The following GIGYF2 variants were observed in gnomAD, a reference collection of about 807,000 sequenced individuals.
GIGYF2 encodes GRB10-interacting GYF protein 2.
A neutral mutation model predicts 208.1 loss-of-function variants in GIGYF2; 25 were observed. The observed-to-expected ratio is 0.12, with a 90% confidence interval of 0.09 to 0.17. GIGYF2 has a LOEUF of 0.17. Ranked by LOEUF, GIGYF2 falls within the 10% of genes least tolerant of loss-of-function variation. The probability of loss-of-function intolerance (pLI) is 1.00; values close to 1 mark genes in which losing one functional copy is unlikely to be tolerated. For missense variants in GIGYF2, 1,302 were observed against 1,579.4 expected, an observed-to-expected ratio of 0.82 and a Z score of 2.98; for synonymous variants, 534 against 543.8, an observed-to-expected ratio of 0.98 and a Z score of 0.25.
chr2:232,856,160 C>T (rs990710314), intron 28 of GIGYF2, among the ~76,000 whole-genome samples: 1 of 151,978 alleles, frequency 6.6e-6, no homozygotes, highest in South Asian at 2.1e-4. Flanking sequence ...GTCTCGATAT[C>T]CTGACCTCAT....
chr2:232,813,608 G>A (rs900926913), intron 18 of GIGYF2, among the ~76,000 whole-genome samples: 1 of 152,136 alleles, frequency 6.6e-6, no homozygotes, highest in Non-Finnish European at 1.5e-5. Context: ...AGATCCTCAA[G>A]AACTATAGGC....
At chr2:232,838,781 C>T (rs1359391968) in intron 22 of GIGYF2, among the ~76,000 whole-genome samples, 2 of 152,108 alleles carry the variant, frequency 1.3e-5, no homozygotes, top group African/African-American at 4.8e-5. Flanking sequence ...CAACACCTCC[C>T]TCCCCCAGTC....
At chr2:232,726,460 A>G (rs922701319) in intron 2 of GIGYF2, among the ~76,000 whole-genome samples, 2 of 152,080 alleles carry the variant, frequency 1.3e-5, no homozygotes, top group African/African-American at 2.4e-5. Flanking sequence ...AGCAAAGTAA[A>G]TAAGCCACAG....
intron 13 of GIGYF2, among the ~76,000 whole-genome samples, chr2:232,795,327 A>C (rs1700191594): frequency 6.6e-6 from 1 of 152,206 alleles, no homozygotes; most frequent in African/African-American, 2.4e-5. Flanking sequence ...TTAACATCTT[A>C]TTCATGTCTC....
chr2:232,859,913 A>G lies in GIGYF2; in HGVS notation c.*3053A>G, dbSNP rs1408792640. On this transcript the variant is annotated 3_prime_UTR_variant, in exon 29 of 29. Transcript: ENST00000373563. ...TGAGCTCTTAGCTCAGGAGTCACAT[A>G]GAGTCACTTCTGTGACACTGTGTTG... 4 of 152,094 alleles carry G rather than the reference A, an allele frequency of 2.6e-5. No homozygotes were observed. The highest frequency in any genetic ancestry group is 7.2e-5 in the African/African-American group (3 of 41,410). The allele number at this position is 152,094 out of a possible 1,614,324, so 9.4% of individuals were successfully genotyped here. A position where few individuals can be genotyped will look rare whatever the true frequency, so the allele number is the denominator to read the frequency against.
chr2:232,725,447 T>C (rs1697154097), intron 2 of GIGYF2, among the ~76,000 whole-genome samples: 1 of 152,218 alleles, frequency 6.6e-6, no homozygotes, highest in Non-Finnish European at 1.5e-5. Flanking sequence ...TTGGAGTCCT[T>C]ATAATACAGG....
intron 28 of GIGYF2, among the ~76,000 whole-genome samples, chr2:232,850,805 A>G (rs1027513910): frequency 6.6e-6 from 1 of 152,236 alleles, no homozygotes; most frequent in Non-Finnish European, 1.5e-5. Flanking sequence ...CAGGTGTTCC[A>G]AGAAGAGAAC....
At chr2:232,763,723 A>C (rs967252112) in intron 8 of GIGYF2, among the ~76,000 whole-genome samples, 34 of 151,568 alleles carry the variant, frequency 2.2e-4, no homozygotes, top group Admixed American at 4.6e-4. Flanking sequence ...CCAGCTACTG[A>C]GGGAGACTGA....
In GIGYF2 at chr2:232,787,274, T is replaced by C. The variant is rs1699946899; in HGVS notation, c.657T>C (p.Gly219=). 1 of 1,613,992 alleles carries C rather than the reference T, an allele frequency of 6.2e-7. No individual in the cohort carries two copies. The highest frequency in any genetic ancestry group is 8.5e-7 in the Non-Finnish European group (1 of 1,179,986). ...AAAATGGAGAAGATGAAGATGGAGG[T>C]TGGCGACTAGCTGGATCAAGGAGGG... ...EEQNGEDEDG[G]WRLAGSRRDG... Residue 219 remains glycine (G), a synonymous_variant, in exon 9 of 29, where the codon GGT becomes GGC. Transcript: ENST00000373563.
intron 2 of GIGYF2, among the ~76,000 whole-genome samples, chr2:232,721,172 T>G (rs1696927255): frequency 6.6e-6 from 1 of 152,216 alleles, no homozygotes; most frequent in Non-Finnish European, 1.5e-5. Context: ...TTCAGAGATG[T>G]GAGGACAAGT....
At chr2:232,792,639 G>A (rs192830776) in intron 12 of GIGYF2, among the ~76,000 whole-genome samples, 20 of 152,250 alleles carry the variant, frequency 1.3e-4, no homozygotes, top group African/African-American at 4.6e-4. Context: ...GGCTGGATCC[G>A]AACTCCTGGG....
intron 8 of GIGYF2, chr2:232,768,234 C>G (rs1699056368): frequency 6.2e-7 from 1 of 1,613,942 alleles, no homozygotes; most frequent in African/African-American, 1.3e-5. Flanking sequence ...ATTGTCAATG[C>G]TTTGTCCATT....
chr2:232,767,591 T>A (rs1699028584), intron 8 of GIGYF2: 1 of 155,884 alleles, frequency 6.4e-6, no homozygotes, highest in Non-Finnish European at 1.4e-5. Flanking sequence ...GTTCAAATGC[T>A]TTTAGGTTTA....
chr2:232,786,391 C>T (rs1394719588), intron 8 of GIGYF2, among the ~76,000 whole-genome samples: 3 of 152,168 alleles, frequency 2.0e-5, no homozygotes, highest in African/African-American at 7.2e-5. Flanking sequence ...GCACTTGTCA[C>T]CACACCCAGC....
chr2:232,810,857 CGTCATATG>C, intron 16 of GIGYF2: 1 of 217,496 alleles, frequency 4.6e-6, no homozygotes, highest in Non-Finnish European at 9.3e-6. Context: ...ACAAAGGGTA[CGTCATATG>C]GTTAAAGCTA....
At chr2:232,776,434 C>T in intron 8 of GIGYF2, 1 of 1,599,518 alleles carries the variant, frequency 6.3e-7, no homozygotes, top group Non-Finnish European at 8.5e-7. Context: ...GATATTATTG[C>T]ATGTACTCAC....
chr2:232,760,518 T>C lies in GIGYF2; in HGVS notation c.418T>C (p.Phe140Leu). The C allele has an allele frequency of 6.2e-7, 1 of 1,613,682 alleles. No homozygotes were observed. The highest frequency in any genetic ancestry group is 2.2e-5 in the East Asian group (1 of 44,858). Residue 140 changes from phenylalanine (F) to leucine (L), a missense_variant, in exon 7 of 29, where the codon TTT becomes CTT. This residue lies in a region of GIGYF2 where 189 missense variants were observed against 257.7 expected (regional missense o/e 0.73). Transcript: ENST00000373563. ...TGAATGTGGTTTCTACCAAAGAAGTTTTGATGAAGTAGAGGGTGTTTTTGG... is the reference window on the plus strand; with the variant it reads ...TGAATGTGGTTTCTACCAAAGAAGTCTTGATGAAGTAGAGGGTGTTTTTGG... ...RGECGFYQRS[F>L]DEVEGVFGRG...
At chr2:232,755,112 T>C (rs1698483437) in intron 5 of GIGYF2, among the ~76,000 whole-genome samples, 1 of 152,218 alleles carries the variant, frequency 6.6e-6, no homozygotes, top group Admixed American at 6.5e-5. Flanking sequence ...AGAAAGTTAG[T>C]GGAAACCAGT....
chr2:232,705,168 A>G (rs1026106896), intron 2 of GIGYF2, among the ~76,000 whole-genome samples: 14 of 151,706 alleles, frequency 9.2e-5, no homozygotes, highest in Non-Finnish European at 1.9e-4. Flanking sequence ...CAACTTCTGG[A>G]TATTTTTTAT....
Sources: allele counts gnomAD v4.1 joint callset (sites outside exome capture counted in the v4.1 genomes callset), GRCh38; gene constraint gnomAD v4.1.1; regional missense constraint gnomAD v4.1.1; transcripts MANE v1.5; gene names NCBI Gene and HGNC (gene_info 2026-07-23, HGNC 2026-07-21).